Variants in UTRN observed in about 807,000 individuals in gnomAD.
The protein encoded by UTRN is utrophin.
In UTRN, 283 loss-of-function variants were observed where a neutral mutation model predicts 463.9. The observed-to-expected ratio is 0.61, with a 90% CI of 0.55 to 0.67. The LOEUF is 0.67. Ranked by LOEUF, UTRN falls within the 30% of genes least tolerant of loss-of-function variation. The pLI, the probability that UTRN is intolerant of heterozygous loss-of-function variation, is 0.00. For missense variants in UTRN, 3,922 were observed against 4,084.3 expected, an observed-to-expected ratio of 0.96 and a Z score of 1.08; for synonymous variants, 1,442 against 1,431.5, an observed-to-expected ratio of 1.01 and a Z score of -0.17.
intron 2 of UTRN, among the ~76,000 whole-genome samples, chr6:144,397,389 C>A (rs1399424719): frequency 2.0e-5 from 3 of 152,158 alleles, no homozygotes; most frequent in Non-Finnish European, 2.9e-5. Flanking sequence ...GTCATGCTAG[C>A]AGAGCATGTG....
At chr6:144,565,247 T>C (rs935184759) in intron 50 of UTRN, among the ~76,000 whole-genome samples, 5 of 152,210 alleles carry the variant, frequency 3.3e-5, no homozygotes, top group Admixed American at 6.6e-5. Flanking sequence ...GGAAAGGATG[T>C]GGGAGTTTTG....
At chr6:144,472,227 A>G (rs1790728675) in intron 23 of UTRN, among the ~76,000 whole-genome samples, 3 of 152,226 alleles carry the variant, frequency 2.0e-5, no homozygotes, top group Admixed American at 2.0e-4. Context: ...TGCTTAGGAA[A>G]GAATGTCGTG....
At chr6:144,311,018 C>G (rs1424384409) in intron 2 of UTRN, among the ~76,000 whole-genome samples, 3 of 152,160 alleles carry the variant, frequency 2.0e-5, no homozygotes, top group Non-Finnish European at 2.9e-5. Flanking sequence ...ACTGCCTTTC[C>G]TCTTCTAAGA....
intron 2 of UTRN, among the ~76,000 whole-genome samples, chr6:144,298,056 T>A (rs1450192756): frequency 6.6e-6 from 1 of 152,198 alleles, no homozygotes; most frequent in Non-Finnish European, 1.5e-5. Context: ...TAAAATTTAA[T>A]CTAAAGCAAT....
rs60093118 is a variant in UTRN, at chr6:144,419,973, G to GACAC, written c.142-1883_142-1880dup. Among the ~76,000 whole-genome samples, 1,361 of 147,968 alleles carry GACAC rather than the reference G, an allele frequency of 9.2e-3. 12 individuals are homozygous for GACAC. Among genetic ancestry groups the GACAC allele is most frequent in the South Asian group, 0.032 (147 of 4,624 alleles). On this transcript the variant is annotated intron_variant, in intron 3 of 74. Transcript: ENST00000367545. ...ACACACTTGTGCGCACACAGACACA[G>GACAC]ACACACACACACACACACACACACA...
intron 33 of UTRN, among the ~76,000 whole-genome samples, chr6:144,494,619 T>C (rs1192667583): frequency 1.3e-5 from 2 of 152,220 alleles, no homozygotes; most frequent in Non-Finnish European, 2.9e-5. Context: ...ACGAGTGGTC[T>C]GTTTTGACAG....
chr6:144,365,334 A>AG (rs1357297296), intron 2 of UTRN, among the ~76,000 whole-genome samples: 1 of 152,140 alleles, frequency 6.6e-6, no homozygotes, highest in Non-Finnish European at 1.5e-5. Flanking sequence ...TGTCTGATGA[A>AG]GGGGAAAAAG....
intron 68 of UTRN, among the ~76,000 whole-genome samples, 181 bp from the exon 69 acceptor site, chr6:144,828,609 G>T (rs1780395835): frequency 6.6e-6 from 1 of 152,186 alleles, no homozygotes; most frequent in Non-Finnish European, 1.5e-5. Context: ...AGGCATTAAG[G>T]CAGTGGTGAT....
At chr6:144,331,568 A>G (rs1320521643) in intron 2 of UTRN, among the ~76,000 whole-genome samples, 1 of 152,184 alleles carries the variant, frequency 6.6e-6, no homozygotes, top group Non-Finnish European at 1.5e-5. Flanking sequence ...GTGCCCCTGC[A>G]TCCATTTAAT....
chr6:144,695,760 C>T lies in UTRN; in HGVS notation c.7653-4327C>T, dbSNP rs144364617. On this transcript the variant is annotated intron_variant, in intron 52 of 74. Transcript: ENST00000367545. ...AGAGAAGAATGCTAATGATTTGAAA[C>T]GTCAGCTAGAAGACAGGCTGTCAGG... Among the ~76,000 whole-genome samples the T allele has an allele frequency of 1.7e-3, 259 of 152,316 alleles. 1 individual carries two copies. The highest frequency in any genetic ancestry group is 5.7e-3 in the African/African-American group (236 of 41,562).
chr6:144,428,755 C>A, intron 7 of UTRN, 23 bp from the exon 8 acceptor site: 2 of 1,366,118 alleles, frequency 1.5e-6, no homozygotes, highest in Non-Finnish European at 2.0e-6. Context: ...ATCTTCATTG[C>A]ATTTTATTTG....
intron 51 of UTRN, among the ~76,000 whole-genome samples, chr6:144,666,424 C>T (rs887990920): frequency 7.2e-5 from 11 of 152,156 alleles, no homozygotes; most frequent in Non-Finnish European, 1.5e-5. Flanking sequence ...TTTCTCCTAG[C>T]ACTATAGTGG....
chr6:144,577,297 A>G lies in UTRN; in HGVS notation c.7479+9A>G, dbSNP rs1562597488. ...TCAAACAGCAGATGCAGGTAAGTGC[A>G]TGGGAAACCACACCAGTACCTGTGT... On this transcript the variant is annotated intron_variant, in intron 51 of 74. Transcript: ENST00000367545. 9.3e-6 allele frequency: 15 copies of G among 1,612,846 alleles called. No homozygotes were observed. The highest frequency in any genetic ancestry group is 1.7e-5 in the Admixed American group (1 of 59,958).
intron 42 of UTRN, among the ~76,000 whole-genome samples, chr6:144,531,937 A>T (rs1353145933): frequency 1.3e-5 from 2 of 152,082 alleles, no homozygotes. Flanking sequence ...GGAGATCGAG[A>T]CCATCCTGGC....
At chr6:144,460,366 C>T (rs1244856647) in intron 21 of UTRN, among the ~76,000 whole-genome samples, 1 of 152,134 alleles carries the variant, frequency 6.6e-6, no homozygotes, top group Non-Finnish European at 1.5e-5. Flanking sequence ...TGAAATGCTC[C>T]ACATGTAACC....
chr6:144,342,743 G>C (rs911492804), intron 2 of UTRN, among the ~76,000 whole-genome samples: 2 of 152,166 alleles, frequency 1.3e-5, no homozygotes, highest in African/African-American at 4.8e-5. Context: ...TGTGGTGATG[G>C]TTGTAGAATT....
intron 13 of UTRN, among the ~76,000 whole-genome samples, chr6:144,441,642 G>A (rs1288725078): frequency 3.3e-5 from 5 of 152,182 alleles, no homozygotes; most frequent in Non-Finnish European, 7.3e-5. Flanking sequence ...GAGGACAGTG[G>A]CCGTCTTCTC....
Position 144,839,241 on chromosome 6 carries a change from C to G in UTRN, c.10134C>G (p.Tyr3378Ter), listed in dbSNP as rs376533349. The G allele has an allele frequency of 6.2e-7, 1 of 1,613,916 alleles. No individual in the cohort carries two copies. Among genetic ancestry groups the G allele is most frequent in the Non-Finnish European group, 8.5e-7 (1 of 1,179,966 alleles). The change falls in exon 72 of 75, where the codon TAC becomes TAG. Residue 3378 changes from tyrosine (Y) to a stop codon, truncating the protein, a stop_gained. Transcript: ENST00000367545. LOFTEE classifies it high-confidence loss of function. The part of the protein sequence containing the change: ...WASPQHSALS[Y>*]SLDPDASGPQ... ...CTCCTCAGCATTCTGCACTGAGCTACTCGCTTGATCCAGATGCCTCCGGCC... is the reference window on the plus strand; with the variant it reads ...CTCCTCAGCATTCTGCACTGAGCTAGTCGCTTGATCCAGATGCCTCCGGCC...
chr6:144,525,744 G>A (rs1035138321), intron 41 of UTRN, among the ~76,000 whole-genome samples: 2 of 150,158 alleles, frequency 1.3e-5, no homozygotes, highest in African/African-American at 2.4e-5. Context: ...GTTTGTTCTT[G>A]TTTATCTAGT....
Sources: allele counts gnomAD v4.1 joint callset (sites outside exome capture counted in the v4.1 genomes callset), GRCh38; gene constraint gnomAD v4.1.1; transcripts MANE v1.5; gene names NCBI Gene and HGNC (gene_info 2026-07-23, HGNC 2026-07-21).